APLP2: variants seen among roughly 807,000 people sequenced by gnomAD.
APLP2 encodes the protein CDEI box-binding protein.
Under a neutral mutation model 89.9 loss-of-function variants are expected in APLP2, and 53 were observed. The observed-to-expected ratio is 0.59, with a 90% CI of 0.47 to 0.74. APLP2 has a LOEUF of 0.74. APLP2 is among the 30% of genes least tolerant of loss of function. The pLI is 0.00. For synonymous variants in APLP2, 372 were observed against 348.6 expected (o/e 1.07, Z -0.75); for missense variants, 973 against 975.9 (o/e 1.00, Z 0.04).
chr11:130,101,935 A>G (rs1249102107), intron 1 of APLP2: 1 of 455,996 alleles, frequency 2.2e-6, no homozygotes, highest in Non-Finnish European at 4.4e-6. Context: ...GTCTTCTCAG[A>G]TCTGTTGCAG....
At chr11:130,091,598 C>T (rs1359904521) in intron 1 of APLP2, among the ~76,000 whole-genome samples, 116 of 136,492 alleles carry the variant, frequency 8.5e-4, no homozygotes, top group African/African-American at 3.4e-3. Flanking sequence ...GGGGGCTGAC[C>T]CCCCCATCTC....
In APLP2 at chr11:130,135,617, C is replaced by G; in HGVS notation, c.1739C>G (p.Ser580Ter). 1 of 1,614,196 alleles carries G rather than the reference C, an allele frequency of 6.2e-7. No homozygotes were observed. The highest frequency in any genetic ancestry group is 8.5e-7 in the Non-Finnish European group (1 of 1,180,030). Residue 580 changes from serine to a stop codon, truncating the protein, a stop_gained, in exon 13 of 17, where the codon TCA becomes TGA. Coordinates refer to ENST00000338167, the MANE Select transcript of APLP2 (RefSeq NM_001142276.2). LOFTEE classifies it high-confidence loss of function. Reference protein sequence around the residue: ...ADMDQFTASISETPVDVRVSS... With the variant: ...ADMDQFTASI ...ATGGACCAGTTCACTGCCTCAATCT[C>G]AGAGACCCCTGTGGACGTCCGGGTG...
chr11:130,104,165 T>C, intron 1 of APLP2, among the ~76,000 whole-genome samples: 1 of 148,508 alleles, frequency 6.7e-6, no homozygotes, highest in Non-Finnish European at 1.5e-5. Context: ...TTTCTAGCCA[T>C]AATCCTTAGA....
intron 1 of APLP2, among the ~76,000 whole-genome samples, chr11:130,083,469 A>T (rs1404597195): frequency 6.6e-6 from 1 of 152,210 alleles, no homozygotes; most frequent in African/African-American, 2.4e-5. Context: ...CAAAACGGAA[A>T]CTTTATACCT....
At chr11:130,122,149 G>C (rs1404006051) in intron 5 of APLP2, among the ~76,000 whole-genome samples, 156 bp from the exon 6 acceptor site, 1 of 152,206 alleles carries the variant, frequency 6.6e-6, no homozygotes, top group Non-Finnish European at 1.5e-5. Flanking sequence ...CCCGTTTGCT[G>C]ATGTAGCTGG....
At chr11:130,102,034 A>G in intron 1 of APLP2, 1 of 452,406 alleles carries the variant, frequency 2.2e-6, no homozygotes, top group South Asian at 1.6e-5. Flanking sequence ...GCTCTCAAGT[A>G]ATTGTTTTCC....
chr11:130,075,043 A>G (rs941287264), intron 1 of APLP2, among the ~76,000 whole-genome samples: 3 of 152,258 alleles, frequency 2.0e-5, no homozygotes, highest in Admixed American at 6.5e-5. Flanking sequence ...AAAGTGGACT[A>G]TGTAGGCACA....
intron 1 of APLP2, among the ~76,000 whole-genome samples, chr11:130,102,513 G>T (rs2135705788): frequency 6.6e-6 from 1 of 152,300 alleles, no homozygotes; most frequent in South Asian, 2.1e-4. Flanking sequence ...CTCCCTCTAT[G>T]GCAGGCACCT....
intron 3 of APLP2, among the ~76,000 whole-genome samples, chr11:130,115,208 AT>A (rs201891723): frequency 0.023 from 3,560 of 151,814 alleles, 120 homozygotes; most frequent in African/African-American, 0.071. Context: ...ATTTATTATT[AT>A]TTTTTTAATT....
chr11:130,114,719 G>T (rs1416084258), intron 3 of APLP2, among the ~76,000 whole-genome samples: 2 of 152,168 alleles, frequency 1.3e-5, no homozygotes, highest in African/African-American at 2.4e-5. Flanking sequence ...TTGAAACCCA[G>T]ATCTGGGCCT....
chr11:130,104,160 A>G (rs961018762), intron 1 of APLP2, among the ~76,000 whole-genome samples: 1 of 148,826 alleles, frequency 6.7e-6, no homozygotes, highest in Non-Finnish European at 1.5e-5. Flanking sequence ...CCAAGTTTCT[A>G]GCCATAATCC....
At chr11:130,084,736 T>C (rs1295959867) in intron 1 of APLP2, among the ~76,000 whole-genome samples, 1 of 147,624 alleles carries the variant, frequency 6.8e-6, no homozygotes, top group East Asian at 2.0e-4. Context: ...ATAAGAAAGA[T>C]CTCAAACAGC....
intron 1 of APLP2, among the ~76,000 whole-genome samples, chr11:130,091,545 G>A (rs1423990692): frequency 4.4e-4 from 62 of 140,486 alleles, no homozygotes; most frequent in African/African-American, 1.6e-3. Flanking sequence ...GCGGGGGGCT[G>A]ACCCCCCCAC....
At position 130,122,569 on chromosome 11, in the gene APLP2, CTT is replaced by C. The variant is rs1193219591; in HGVS notation, c.922+59_922+60del. On this transcript the variant is annotated intron_variant, in intron 6 of 16. Coordinates refer to ENST00000338167, the MANE Select transcript of APLP2 (RefSeq NM_001142276.2). The stretch of plus-strand genomic sequence containing the variant: ...TCCATGTGGTAATTATTCACTTAGA[CTT>C]TTGCATTGCGTCTGTCACAGGTAAG... 8.7e-6 allele frequency: 14 copies of C among 1,606,866 alleles called. No homozygotes were observed. The African/African-American group carries it at 1.5e-4, about 17-fold the overall frequency.
chr11:130,140,089 C>T (rs967289118), intron 13 of APLP2, among the ~76,000 whole-genome samples: 60 of 152,152 alleles, frequency 3.9e-4, no homozygotes, highest in African/African-American at 1.4e-3. Flanking sequence ...GGATGCCCCT[C>T]GGCTCCGCTT....
In APLP2 at chr11:130,110,634, C is replaced by T. The variant is rs1433092333; in HGVS notation, c.376C>T (p.Arg126Cys). The change falls in exon 3 of 17, where the codon CGC becomes TGC. Residue 126 changes from arginine (R) to cysteine (C), a missense_variant. Transcript: ENST00000338167. ...GAGGGACAAAAAGCAATGCAAGAGT[C>T]GCTTTGTTACACCTTTCAAGTGTCT... ...CRRDKKQCKSRFVTPFKCLVG... is the reference protein window; with the variant it reads ...CRRDKKQCKSCFVTPFKCLVG... 12 of 1,613,178 alleles carry T rather than the reference C, an allele frequency of 7.4e-6. No homozygotes were observed. The highest frequency in any genetic ancestry group is 1.3e-5 in the African/African-American group (1 of 74,628).
At chr11:130,139,396 T>A (rs1333168115) in intron 13 of APLP2, 6 of 152,226 alleles carry the variant, frequency 3.9e-5, no homozygotes, top group African/African-American at 1.2e-4. Flanking sequence ...TGCAGGTAGT[T>A]ACCTTAGAAT....
At chr11:130,105,999 G>A (rs1239250247) in intron 1 of APLP2, among the ~76,000 whole-genome samples, 2 of 152,142 alleles carry the variant, frequency 1.3e-5, no homozygotes, top group Non-Finnish European at 2.9e-5. Flanking sequence ...CCCCACGCCC[G>A]GCCGATGCCT....
chr11:130,113,930 C>A (rs1248669417), intron 3 of APLP2, among the ~76,000 whole-genome samples: 1 of 152,156 alleles, frequency 6.6e-6, no homozygotes, highest in Non-Finnish European at 1.5e-5. Context: ...CTTATTCTCC[C>A]TTCCCAGTAC....
Sources: allele counts gnomAD v4.1 joint callset (sites outside exome capture counted in the v4.1 genomes callset), GRCh38; gene constraint gnomAD v4.1.1; transcripts MANE v1.5; gene names NCBI Gene and HGNC (gene_info 2026-07-23, HGNC 2026-07-21).